Variants in EVC2 observed in about 807,000 individuals in gnomAD.
The protein encoded by EVC2 is EvC ciliary complex subunit 2.
In EVC2, 148 loss-of-function variants were observed where a neutral mutation model predicts 149.3. The ratio of observed to expected loss-of-function variants is 0.99; its 90% CI spans 0.87 to 1.14. EVC2 has a LOEUF of 1.14. EVC2 is among the 50% of genes most tolerant of loss of function. EVC2 has a pLI of 0.00. For synonymous variants in EVC2, 776 were observed against 649.9 expected, an observed-to-expected ratio of 1.19 and a Z score of -2.95; for missense variants, 1,854 against 1,627.3, an observed-to-expected ratio of 1.14 and a Z score of -2.40.
chr4:5,588,294 T>G (rs551184413), intron 16 of EVC2, among the ~76,000 whole-genome samples: 20 of 152,216 alleles, frequency 1.3e-4, no homozygotes, highest in Non-Finnish European at 2.6e-4. Context: ...ATAATGTATC[T>G]TCTTCCTTCA....
intron 17 of EVC2, 50 bp downstream of exon 17, chr4:5,584,573 C>G: frequency 6.4e-7 from 1 of 1,563,948 alleles, no homozygotes; most frequent in Non-Finnish European, 8.7e-7. Flanking sequence ...GAGGTAGGTA[C>G]CAGAAAGACC....
At chr4:5,703,930 G>C (rs1473238072) in intron 1 of EVC2, among the ~76,000 whole-genome samples, 2 of 152,080 alleles carry the variant, frequency 1.3e-5, no homozygotes, top group Admixed American at 1.3e-4. Context: ...CAGGGTATCA[G>C]GGGGAGGAGC....
chr4:5,604,522 T>C (rs1223239388), intron 16 of EVC2, among the ~76,000 whole-genome samples: 1 of 151,584 alleles, frequency 6.6e-6, no homozygotes. Context: ...AGGTAGAGGG[T>C]GGAAGGATAG....
Position 5,622,383 on chromosome 4 carries a change from G to A in EVC2, c.2501+154C>T, listed in dbSNP as rs79974556. ...GCGTGACATTCGAGGTCCTCCCCCC[G>A]GGGCGTTGAGTTTATATGACTAATT... On this transcript the variant is annotated intron_variant, in intron 14 of 21. Transcript: ENST00000344408. This position sits in a 1 kb window ranked among gnomAD's most constrained non-coding sequence, Gnocchi z 5.8. Among the ~76,000 whole-genome samples the A allele has an allele frequency of 0.022, 3,305 of 151,944 alleles. 112 individuals carry two copies. The highest frequency in any genetic ancestry group is 0.076 in the African/African-American group (3,134 of 41,418).
chr4:5,615,666 C>G, intron 15 of EVC2, 122 bp from the exon 16 acceptor site: 4 of 1,427,842 alleles, frequency 2.8e-6, no homozygotes, highest in Middle Eastern at 1.9e-4. Context: ...AAAACTCTGC[C>G]TTAGGCCAGA....
At chr4:5,673,070 G>A (rs1719754626) in intron 7 of EVC2, among the ~76,000 whole-genome samples, 1 of 152,192 alleles carries the variant, frequency 6.6e-6, no homozygotes, top group African/African-American at 2.4e-5. Flanking sequence ...AGACAGTGGT[G>A]ATGGCTGCAC....
rs144843663 is a variant in EVC2 at position 5,579,523 on chromosome 4, T to C, written c.3058-3069A>G. Among the ~76,000 whole-genome samples, 348 of 152,230 alleles carry C rather than the reference T, an allele frequency of 2.3e-3. 1 individual carries two copies. Among genetic ancestry groups the C allele is most frequent in the African/African-American group, 8.0e-3 (333 of 41,530 alleles). On this transcript the variant is annotated intron_variant, in intron 17 of 21. Coordinates refer to ENST00000344408, the MANE Select transcript of EVC2 (RefSeq NM_147127.5). ...TCAACAGATGGTGGCCAGTGGTCCA[T>C]AGGGAGAAAGGCAGAGGGAAGATCA...
At chr4:5,532,901 G>A in the EVC2 span, among the ~76,000 whole-genome samples, 1 of 151,704 alleles carries the variant, frequency 6.6e-6, no homozygotes, top group East Asian at 1.9e-4. Context: ...TCTAATGCCT[G>A]AGTCTCACCC....
chr4:5,550,317 G>A (rs1339022106), intron 21 of EVC2, among the ~76,000 whole-genome samples: 3 of 152,170 alleles, frequency 2.0e-5, no homozygotes, highest in Non-Finnish European at 4.4e-5. Context: ...TAATGATATG[G>A]ACAATGAAAT....
chr4:5,542,548 T>C (rs1721533822), downstream of EVC2, among the ~76,000 whole-genome samples: 1 of 152,204 alleles, frequency 6.6e-6, no homozygotes, highest in African/African-American at 2.4e-5. Context: ...CAACTCACCC[T>C]TGTCATCTGA....
In EVC2 at chr4:5,694,334, C is replaced by G. The variant is rs1447633595; in HGVS notation, c.450+1G>C. The G allele has an allele frequency of 6.2e-7, 1 of 1,613,836 alleles. No individual in the cohort carries two copies. On this transcript the variant is annotated splice_donor_variant, in intron 3 of 21. Transcript: ENST00000344408. LOFTEE classifies it high-confidence loss of function. Reference sequence around the variant, plus strand: ...GTTAAAGCATTGAACTTAATACTTACCAGGCGGTGTGTTATAGGAGACTCT... The same window carrying G: ...GTTAAAGCATTGAACTTAATACTTAGCAGGCGGTGTGTTATAGGAGACTCT...
In EVC2 at chr4:5,562,477, T is replaced by C. The variant is rs1722014423; in HGVS notation, c.*371A>G. On this transcript the variant is annotated 3_prime_UTR_variant, in exon 22 of 22. Transcript: ENST00000344408. This position sits in a 1 kb window ranked among gnomAD's most constrained non-coding sequence, Gnocchi z 4.3. ...CATTTATTTTTTAAAATTCCCTTTA[T>C]AAAAATAGAATATGTAACAAATACA... The C allele has an allele frequency of 3.2e-5, 34 of 1,077,868 alleles. No homozygotes were observed. Among genetic ancestry groups the C allele is most frequent in the Non-Finnish European group, 3.7e-5 (33 of 885,506 alleles). The allele number at this position is 1,077,868 out of a possible 1,614,324, so 66.8% of individuals were successfully genotyped here. A position where few individuals can be genotyped will look rare whatever the true frequency, so the allele number is the denominator to read the frequency against.
At chr4:5,555,204 A>G (rs1480035338) in intron 21 of EVC2, among the ~76,000 whole-genome samples, 3 of 152,156 alleles carry the variant, frequency 2.0e-5, no homozygotes, top group Non-Finnish European at 4.4e-5. Flanking sequence ...AGAGAAAATG[A>G]TTAATCAAAA....
At chr4:5,574,823 C>T in intron 18 of EVC2, 51 bp from the exon 19 acceptor site, 3 of 1,530,124 alleles carry the variant, frequency 2.0e-6, no homozygotes, top group Non-Finnish European at 2.7e-6. Flanking sequence ...TAAAGTGATA[C>T]TATGAGATCA....
intron 12 of EVC2, among the ~76,000 whole-genome samples, chr4:5,628,031 A>G (rs992485082): frequency 3.3e-5 from 5 of 152,166 alleles, no homozygotes; most frequent in African/African-American, 1.2e-4. Context: ...TGTCTAGACT[A>G]TTGCATATGC....
At chr4:5,706,236 G>A (rs757316169) in intron 1 of EVC2, among the ~76,000 whole-genome samples, 5 of 151,398 alleles carry the variant, frequency 3.3e-5, no homozygotes, top group Non-Finnish European at 7.4e-5. Context: ...TGTGCAATTA[G>A]GCATTGGTCT....
intron 20 of EVC2, 141 bp downstream of exon 20, chr4:5,568,303 A>T: frequency 1.1e-6 from 1 of 895,370 alleles, no homozygotes; most frequent in Non-Finnish European, 1.6e-6. Context: ...TTATTTTCTT[A>T]AGATTCTATT....
chr4:5,559,219 TAAAA>T (rs969997842), downstream of EVC2, among the ~76,000 whole-genome samples: 17 of 151,858 alleles, frequency 1.1e-4, no homozygotes, highest in Middle Eastern at 6.8e-3. This position sits in a 1 kb window ranked among gnomAD's most constrained non-coding sequence, Gnocchi z 5.0. Context: ...AAAAAAATAA[TAAAA>T]AAGAAAACGG....
intron 21 of EVC2, among the ~76,000 whole-genome samples, chr4:5,545,269 G>A (rs16837420): frequency 6.6e-6 from 1 of 152,060 alleles, no homozygotes; most frequent in Non-Finnish European, 1.5e-5. Flanking sequence ...ACACAGAAAT[G>A]GTTGAAAGAA....
Sources: allele counts gnomAD v4.1 joint callset (sites outside exome capture counted in the v4.1 genomes callset), GRCh38; gene constraint gnomAD v4.1.1; non-coding constraint Gnocchi (gnomAD v3.1); transcripts MANE v1.5; gene names NCBI Gene and HGNC (gene_info 2026-07-23, HGNC 2026-07-21).